The following ASIC2 variants were observed in gnomAD, a reference collection of about 807,000 sequenced individuals.
The protein encoded by ASIC2 is acid sensing ion channel subunit 2, also known as acid-sensing ion channel 2.
In ASIC2, 25 loss-of-function variants were observed where a neutral mutation model predicts 57.3. The ratio of observed to expected loss-of-function variants is 0.44; its 90% CI spans 0.32 to 0.61. The LOEUF is 0.61. ASIC2 is among the 20% of genes least tolerant of loss of function. The pLI, the probability that ASIC2 is intolerant of heterozygous loss-of-function variation, is 0.06. For synonymous variants in ASIC2, 319 were observed against 307.5 expected (o/e 1.04, Z -0.39); for missense variants, 641 against 738.1 (o/e 0.87, Z 1.52).
At chr17:33,338,561 G>A (rs1000123678) in intron 1 of ASIC2, among the ~76,000 whole-genome samples, 1 of 152,200 alleles carries the variant, frequency 6.6e-6, no homozygotes, top group African/African-American at 2.4e-5. Context: ...GTGCACGAAT[G>A]ATCAGAGGTG....
At chr17:34,011,945 A>G (rs1906781985) in intron 1 of ASIC2, among the ~76,000 whole-genome samples, 1 of 152,170 alleles carries the variant, frequency 6.6e-6, no homozygotes, top group South Asian at 2.1e-4. Context: ...ATCTCAGGTC[A>G]ATAGCAGTCA....
rs564193324 is a variant in ASIC2 at position 33,235,264 on chromosome 17, C to G, written c.708+56144G>C. 5.3e-4 allele frequency among the ~76,000 whole-genome samples: 81 copies of G among 152,270 alleles called. No individual in the cohort carries two copies. The South Asian group carries it at 8.9e-3, about 17-fold the overall frequency. ...CCTTCTCCCTCCCCCTTCCCAGGATCAGGTAGTCCATTTTAACAGGGGCAA... is the reference window on the plus strand; with the variant it reads ...CCTTCTCCCTCCCCCTTCCCAGGATGAGGTAGTCCATTTTAACAGGGGCAA... On this transcript the variant is annotated intron_variant, in intron 1 of 9. Coordinates refer to ENST00000225823, the MANE Select transcript of ASIC2 (RefSeq NM_183377.2).
intron 1 of ASIC2, among the ~76,000 whole-genome samples, chr17:34,136,402 C>T (rs1033342741): frequency 2.6e-5 from 4 of 152,208 alleles, no homozygotes; most frequent in Non-Finnish European, 5.9e-5. Flanking sequence ...GAGACATTTA[C>T]TATCCATTAT....
At chr17:33,967,101 C>T (rs1259657370) in intron 1 of ASIC2, among the ~76,000 whole-genome samples, 1 of 152,078 alleles carries the variant, frequency 6.6e-6, no homozygotes, top group South Asian at 2.1e-4. Context: ...CTTCAGTGAC[C>T]CAGGAAGGAT....
chr17:34,031,018 T>C, intron 1 of ASIC2, among the ~76,000 whole-genome samples: 1 of 152,192 alleles, frequency 6.6e-6, no homozygotes, highest in South Asian at 2.1e-4. Context: ...AGAGTAGTGG[T>C]TCTCCCAGCA....
chr17:34,070,270 T>C (rs1909349080), intron 1 of ASIC2: 1 of 151,788 alleles, frequency 6.6e-6, no homozygotes, highest in Non-Finnish European at 1.5e-5. Context: ...CCCCCAGCAG[T>C]CTTCATTCAG....
intron 1 of ASIC2, among the ~76,000 whole-genome samples, chr17:33,489,328 T>A (rs781687403): frequency 6.6e-6 from 1 of 152,166 alleles, no homozygotes; most frequent in Non-Finnish European, 1.5e-5. Flanking sequence ...AGCCCCATTA[T>A]ATAACCAGGA....
At chr17:33,104,678 T>A (rs2092228119) in intron 2 of ASIC2, among the ~76,000 whole-genome samples, 1 of 152,366 alleles carries the variant, frequency 6.6e-6, no homozygotes, top group Admixed American at 6.5e-5. Context: ...GCAGCAGACC[T>A]ATCATTATAT....
intron 1 of ASIC2, among the ~76,000 whole-genome samples, chr17:33,333,100 G>A (rs766164605): frequency 6.6e-6 from 1 of 152,222 alleles, no homozygotes; most frequent in African/African-American, 2.4e-5. Context: ...TGGCCTTGGG[G>A]AACCTTACTT....
intron 1 of ASIC2, among the ~76,000 whole-genome samples, chr17:33,395,309 T>C (rs1910038216): frequency 6.6e-6 from 1 of 150,604 alleles, no homozygotes; most frequent in South Asian, 2.1e-4. Context: ...AAGAAAGAGG[T>C]TTAATTGGAC....
chr17:33,598,819 G>T (rs951180889), intron 1 of ASIC2, among the ~76,000 whole-genome samples: 1 of 152,208 alleles, frequency 6.6e-6, no homozygotes, highest in Admixed American at 6.5e-5. Context: ...GGACAAGAAA[G>T]AATGAGATTT....
intron 1 of ASIC2, among the ~76,000 whole-genome samples, chr17:33,249,488 C>T (rs1400682357): frequency 2.6e-5 from 4 of 152,060 alleles, no homozygotes; most frequent in Non-Finnish European, 2.9e-5. Context: ...TGAGGTCCTC[C>T]GACACTAGGA....
At chr17:33,762,281 G>T (rs550949074) in intron 1 of ASIC2, among the ~76,000 whole-genome samples, 1 of 152,118 alleles carries the variant, frequency 6.6e-6, no homozygotes, top group African/African-American at 2.4e-5. Flanking sequence ...GGATTGAAAA[G>T]ATATCAACCA....
intron 1 of ASIC2, among the ~76,000 whole-genome samples, chr17:33,852,425 G>C (rs1329800656): frequency 6.6e-6 from 1 of 152,126 alleles, no homozygotes; most frequent in Non-Finnish European, 1.5e-5. Context: ...CTCTCTGTGG[G>C]GTGAGATGGC....
intron 1 of ASIC2, among the ~76,000 whole-genome samples, chr17:33,710,740 A>C (rs549966700): frequency 6.6e-6 from 1 of 152,282 alleles, no homozygotes; most frequent in African/African-American, 2.4e-5. Context: ...GGTGTATCCA[A>C]GCATATTGGT....
intron 1 of ASIC2, among the ~76,000 whole-genome samples, chr17:34,146,570 G>A (rs888684554): frequency 3.9e-5 from 6 of 152,208 alleles, no homozygotes; most frequent in African/African-American, 1.4e-4. Context: ...GCACCACAAT[G>A]TATTCCATCT....
At chr17:33,341,282 G>T (rs1224614788) in intron 1 of ASIC2, among the ~76,000 whole-genome samples, 2 of 152,124 alleles carry the variant, frequency 1.3e-5, no homozygotes, top group Non-Finnish European at 2.9e-5. Flanking sequence ...CCCATTCCAG[G>T]TAATTTTGAC....
chr17:33,705,299 CAACT>C (rs908693413), intron 1 of ASIC2, among the ~76,000 whole-genome samples: 5 of 152,118 alleles, frequency 3.3e-5, no homozygotes, highest in Admixed American at 2.6e-4. Context: ...TTTAATTAAT[CAACT>C]AACTAATTTA....
At chr17:33,387,990 G>C (rs531231665) in intron 1 of ASIC2, among the ~76,000 whole-genome samples, 67 of 152,238 alleles carry the variant, frequency 4.4e-4, no homozygotes, top group Non-Finnish European at 7.2e-4. Flanking sequence ...AGAGGCAGGA[G>C]AATTGCTTGA....
Sources: allele counts gnomAD v4.1 joint callset (sites outside exome capture counted in the v4.1 genomes callset), GRCh38; gene constraint gnomAD v4.1.1; transcripts MANE v1.5; gene names NCBI Gene and HGNC (gene_info 2026-07-23, HGNC 2026-07-21).